PPFIBP2: variants seen among roughly 807,000 people sequenced by gnomAD.
PPFIBP2 encodes PPFIB scaffold protein 2.
A neutral mutation model predicts 118.3 loss-of-function variants in PPFIBP2; 118 were observed. The observed-to-expected ratio is 1.00, with a 90% confidence interval of 0.86 to 1.16. The LOEUF (loss-of-function observed/expected upper bound fraction) is 1.16, where lower values mean the gene tolerates loss of function less well. Ranked by LOEUF, PPFIBP2 falls within the 50% of genes most tolerant of loss-of-function variation. The pLI is 0.00. For missense variants in PPFIBP2, 1,195 were observed against 1,073.1 expected, an observed-to-expected ratio of 1.11 and a Z score of -1.59; for synonymous variants, 414 against 397.4, an observed-to-expected ratio of 1.04 and a Z score of -0.50.
At chr11:7,613,839 C>G (rs934177618) in intron 6 of PPFIBP2, among the ~76,000 whole-genome samples, 31 of 152,162 alleles carry the variant, frequency 2.0e-4, no homozygotes, top group African/African-American at 6.8e-4. Flanking sequence ...AAGAAGGGAG[C>G]AGGGACCCCA....
chr11:7,588,285 G>A (rs1858582148), intron 3 of PPFIBP2, among the ~76,000 whole-genome samples: 1 of 152,130 alleles, frequency 6.6e-6, no homozygotes, highest in Non-Finnish European at 1.5e-5. Context: ...TATCCCTGCT[G>A]GAATCTTGCT....
At chr11:7,604,421 TACAC>T (rs375636585) in intron 5 of PPFIBP2, among the ~76,000 whole-genome samples, 2 of 151,490 alleles carry the variant, frequency 1.3e-5, no homozygotes, top group Middle Eastern at 3.4e-3. Flanking sequence ...GACACACACA[TACAC>T]ACACATGCAC....
intron 1 of PPFIBP2, among the ~76,000 whole-genome samples, chr11:7,517,521 A>G (rs1415754876): frequency 1.3e-5 from 2 of 151,496 alleles, no homozygotes; most frequent in Non-Finnish European, 2.9e-5. Flanking sequence ...AGTGGAGAGT[A>G]GTGTGGAGTT....
chr11:7,632,825 A>G (rs761914020), intron 11 of PPFIBP2, 42 bp from the exon 12 acceptor site: 158 of 1,536,720 alleles, frequency 1.0e-4, no homozygotes, highest in Non-Finnish European at 1.4e-4. Flanking sequence ...GTGGTCCCCA[A>G]ACAGACTGTC....
intron 1 of PPFIBP2, among the ~76,000 whole-genome samples, chr11:7,545,619 C>G (rs775749193): frequency 1.3e-5 from 2 of 152,156 alleles, no homozygotes; most frequent in Non-Finnish European, 2.9e-5. Flanking sequence ...GGGCTTGGTA[C>G]CATCCACTGT....
the PPFIBP2 span, chr11:7,667,215 T>G: frequency 6.6e-6 from 1 of 151,946 alleles, no homozygotes; most frequent in Non-Finnish European, 1.5e-5. Context: ...TATTTAGAAC[T>G]GAAAACAGCC....
intron 3 of PPFIBP2, among the ~76,000 whole-genome samples, chr11:7,572,597 G>T (rs1429833880): frequency 2.6e-5 from 4 of 152,172 alleles, no homozygotes; most frequent in Non-Finnish European, 5.9e-5. Context: ...CATAACTTGA[G>T]GTCTGAGCAC....
chr11:7,519,514 C>T (rs1286289781), intron 1 of PPFIBP2, among the ~76,000 whole-genome samples: 1 of 152,092 alleles, frequency 6.6e-6, no homozygotes, highest in Non-Finnish European at 1.5e-5. Context: ...TGTACTGTGG[C>T]CAGACTGAAT....
intron 2 of PPFIBP2, among the ~76,000 whole-genome samples, chr11:7,554,791 G>T (rs10743027): frequency 1.4e-4 from 14 of 99,152 alleles, no homozygotes; most frequent in African/African-American, 2.9e-4. Flanking sequence ...CAGGTGACTA[G>T]ACTAGACTAG....
At chr11:7,549,868 C>T (rs1476228040) in intron 2 of PPFIBP2, among the ~76,000 whole-genome samples, 2 of 152,090 alleles carry the variant, frequency 1.3e-5, no homozygotes, top group Non-Finnish European at 2.9e-5. Context: ...CTTTTCATGG[C>T]TTATTATAGC....
intron 17 of PPFIBP2, among the ~76,000 whole-genome samples, chr11:7,646,114 A>G (rs528850977): frequency 6.6e-6 from 1 of 152,262 alleles, no homozygotes; most frequent in Non-Finnish European, 1.5e-5. Context: ...ATTGTTGTTC[A>G]TATAAGATGA....
intron 1 of PPFIBP2, among the ~76,000 whole-genome samples, chr11:7,523,103 G>C (rs1334567824): frequency 6.6e-6 from 1 of 152,090 alleles, no homozygotes; most frequent in Non-Finnish European, 1.5e-5. Context: ...GACTCAGATG[G>C]CTGGATGAGG....
chr11:7,628,807 A>G (rs1267872076), intron 9 of PPFIBP2, among the ~76,000 whole-genome samples: 2 of 152,216 alleles, frequency 1.3e-5, no homozygotes, highest in Non-Finnish European at 2.9e-5. Context: ...CACCTCTATA[A>G]ATAAAGAGTG....
chr11:7,604,599 C>A (rs1223479724), intron 5 of PPFIBP2, among the ~76,000 whole-genome samples: 1 of 152,020 alleles, frequency 6.6e-6, no homozygotes, highest in Non-Finnish European at 1.5e-5. Flanking sequence ...CACACACACA[C>A]ACCCCCACAC....
intron 3 of PPFIBP2, chr11:7,577,340 T>TGCGTGTGTGTGCGTGTGTGTGTGTGC: frequency 6.0e-6 from 2 of 333,886 alleles, no homozygotes; most frequent in Non-Finnish European, 6.0e-6. Context: ...TGTGTGTGTG[T>TGCGTGTGTGTGCGTGTGTGTGTGTGC]GTGTGTGTGT....
At chr11:7,578,072 T>G (rs1856719304) in intron 3 of PPFIBP2, among the ~76,000 whole-genome samples, 2 of 152,234 alleles carry the variant, frequency 1.3e-5, no homozygotes, top group South Asian at 4.1e-4. Context: ...AGCACACATC[T>G]GCTGTCAGCA....
chr11:7,662,399 A>G, the PPFIBP2 span, among the ~76,000 whole-genome samples: 12 of 151,974 alleles, frequency 7.9e-5, no homozygotes, highest in African/African-American at 2.7e-4. Context: ...TTTCTCCTTC[A>G]CTTATGAAGC....
chr11:7,598,708 A>G (rs1469720937), intron 5 of PPFIBP2, among the ~76,000 whole-genome samples: 1 of 152,176 alleles, frequency 6.6e-6, no homozygotes, highest in African/African-American at 2.4e-5. Context: ...TTAGAGGACT[A>G]CTTATAATCT....
intron 5 of PPFIBP2, among the ~76,000 whole-genome samples, chr11:7,606,627 T>C (rs1847372454): frequency 6.6e-6 from 1 of 152,224 alleles, no homozygotes; most frequent in Non-Finnish European, 1.5e-5. Context: ...CAATTGTGAA[T>C]GTCTGTTTGG....
Sources: allele counts gnomAD v4.1 joint callset (sites outside exome capture counted in the v4.1 genomes callset), GRCh38; gene constraint gnomAD v4.1.1; transcripts MANE v1.5; gene names NCBI Gene and HGNC (gene_info 2026-07-23, HGNC 2026-07-21).